CR1: variants seen among roughly 807,000 people sequenced by gnomAD.
CR1 encodes complement receptor type 1.
Under a neutral mutation model 187.3 loss-of-function variants are expected in CR1, and 116 were observed. That is an observed-to-expected ratio of 0.62 (90% CI 0.53 to 0.72). The LOEUF (loss-of-function observed/expected upper bound fraction) is 0.72, where lower values mean the gene tolerates loss of function less well. Ranked by LOEUF, CR1 falls within the 30% of genes least tolerant of loss-of-function variation. The probability of loss-of-function intolerance (pLI) is 0.00; values close to 1 mark genes in which losing one functional copy is unlikely to be tolerated. For synonymous variants in CR1, 576 were observed against 747.1 expected (o/e 0.77, Z 3.73); for missense variants, 1,731 against 2,110.7 (o/e 0.82, Z 3.52).
chr1:207,593,259 T>G (rs539875233), intron 35 of CR1, among the ~76,000 whole-genome samples: 13 of 152,128 alleles, frequency 8.5e-5, no homozygotes, highest in African/African-American at 3.1e-4. Flanking sequence ...CCAAAACAGA[T>G]ATATAGACCA....
chr1:207,501,202 A>C (rs1179610354), intron 1 of CR1, among the ~76,000 whole-genome samples: 2 of 152,218 alleles, frequency 1.3e-5, no homozygotes, highest in Non-Finnish European at 2.9e-5. Flanking sequence ...CTGTAGTAAG[A>C]GAAAACACAT....
chr1:207,628,485 C>A (rs539060695), intron 45 of CR1, among the ~76,000 whole-genome samples: 1 of 152,332 alleles, frequency 6.6e-6, no homozygotes, highest in East Asian at 1.9e-4. Flanking sequence ...GTCCTCAAAG[C>A]AACTCTGTGA....
intron 5 of CR1, among the ~76,000 whole-genome samples, chr1:207,525,634 C>T (rs1463946796): frequency 6.6e-6 from 1 of 152,010 alleles, no homozygotes; most frequent in Admixed American, 6.5e-5. Context: ...CTCCAATTGG[C>T]AGAACCTAAC....
chr1:207,613,846 C>G (rs1440633718), intron 39 of CR1, among the ~76,000 whole-genome samples: 1 of 152,068 alleles, frequency 6.6e-6, no homozygotes, highest in Non-Finnish European at 1.5e-5. Flanking sequence ...ACTCTTCCCC[C>G]CTCCCTTCTT....
intron 41 of CR1, among the ~76,000 whole-genome samples, chr1:207,617,590 TATATATATATATATATATATATAGAG>T (rs1246545088): frequency 7.5e-4 from 25 of 33,392 alleles, no homozygotes; most frequent in African/African-American, 7.4e-4. Context: ...TATATATATA[TATATATATATATATATATATATAGAG>T]AGAGAGAGAG....
At chr1:207,604,843 G>A (rs1005612284) in intron 35 of CR1, among the ~76,000 whole-genome samples, 38 of 152,288 alleles carry the variant, frequency 2.5e-4, no homozygotes, top group African/African-American at 8.2e-4. Flanking sequence ...TAGAAAGGTG[G>A]TTACCAGGCA....
chr1:207,623,989 G>A (rs1391043997), intron 45 of CR1, among the ~76,000 whole-genome samples: 3 of 123,236 alleles, frequency 2.4e-5, no homozygotes, highest in African/African-American at 3.1e-5. Context: ...GCAGTGGCAC[G>A]ATCTTGGCTC....
At chr1:207,597,921 A>G (rs1395221392) in intron 35 of CR1, among the ~76,000 whole-genome samples, 2 of 152,260 alleles carry the variant, frequency 1.3e-5, no homozygotes, top group African/African-American at 4.8e-5. Context: ...AGCTATACAA[A>G]GGAATAGAGT....
At chr1:207,514,935 T>C (rs1386738940) in intron 4 of CR1, among the ~76,000 whole-genome samples, 1 of 149,738 alleles carries the variant, frequency 6.7e-6, no homozygotes, top group East Asian at 1.9e-4. Flanking sequence ...TTTTTTTTTT[T>C]CCAACCATTT....
intron 35 of CR1, among the ~76,000 whole-genome samples, chr1:207,596,788 T>C (rs1661457366): frequency 6.8e-6 from 1 of 147,876 alleles, no homozygotes; most frequent in African/African-American, 2.5e-5. Context: ...CATAAGTATA[T>C]ATATAATATA....
At chr1:207,523,543 G>A in intron 4 of CR1, 68 bp from the exon 5 acceptor site, 2 of 1,597,252 alleles carry the variant, frequency 1.3e-6, no homozygotes, top group South Asian at 2.2e-5. Flanking sequence ...ATAGTTTAGT[G>A]ACTCATGAGA....
At chr1:207,638,986 C>G (rs1306198824) in intron 46 of CR1, among the ~76,000 whole-genome samples, 1 of 152,172 alleles carries the variant, frequency 6.6e-6, no homozygotes, top group Admixed American at 6.5e-5. Context: ...GCACTTGGGA[C>G]AGTGGGGGTT....
At chr1:207,583,650 A>G (rs1661024859) in intron 32 of CR1, among the ~76,000 whole-genome samples, 1 of 152,220 alleles carries the variant, frequency 6.6e-6, no homozygotes, top group African/African-American at 2.4e-5. Context: ...TTTTGCTCAT[A>G]TGAATACTTT....
In CR1 at chr1:207,575,671, A is replaced by G. The variant is rs527489179; in HGVS notation, c.4528A>G (p.Ile1510Val). 3.1e-6 allele frequency: 5 copies of G among 1,611,832 alleles called. No individual in the cohort carries two copies. The highest frequency in any genetic ancestry group is 2.2e-5 in the East Asian group (1 of 44,882). ...TGCCCATTGGAGCACGAAGCCGCCA[A>G]TTTGTCAACGTGAGTTGAAATCTCT... ...NTAHWSTKPPICQRIPCGLPP... is the reference protein window; with the variant it reads ...NTAHWSTKPPVCQRIPCGLPP... The change falls in exon 28 of 47, where the codon ATT becomes GTT. Residue 1510 changes from isoleucine to valine, a missense_variant. Physicochemically the swap from Ile to Val is conservative, Grantham distance 29 (BLOSUM62 3). Transcript: ENST00000367049.
chr1:207,604,944 G>T (rs1661703660), intron 35 of CR1, among the ~76,000 whole-genome samples: 1 of 152,030 alleles, frequency 6.6e-6, no homozygotes, highest in South Asian at 2.1e-4. Context: ...CCACAGCATG[G>T]TGACTATAGT....
chr1:207,637,646 G>A (rs1288305572), intron 46 of CR1, among the ~76,000 whole-genome samples: 1 of 152,238 alleles, frequency 6.6e-6, no homozygotes. Context: ...GGAGGATAAT[G>A]ATACCCAATG....
intron 3 of CR1, 190 bp downstream of exon 3, chr1:207,507,003 A>G (rs1572991609): frequency 1.9e-6 from 1 of 533,752 alleles, no homozygotes; most frequent in Non-Finnish European, 3.3e-6. Flanking sequence ...AATCATCTGT[A>G]TCCTTGCTGG....
chr1:207,496,349 C>A lies in CR1; in HGVS notation c.82C>A (p.Leu28Met). 6.2e-7 allele frequency: 1 copy of A among 1,612,634 alleles called. No individual in the cohort carries two copies. The highest frequency in any genetic ancestry group is 8.5e-7 in the Non-Finnish European group (1 of 1,179,598). The change falls in exon 1 of 47, where the codon CTG becomes ATG. Residue 28 changes from leucine to methionine, a missense_variant. This residue lies in a region of CR1 where 237 missense variants were observed against 240.4 expected (regional missense o/e 0.99). Transcript: ENST00000367049. ...CCCCTTCTGCTGCGGAGGATCCCTG[C>A]TGGCGGTTGTGGTGCTGCTTGCGCT... ...GLPFCCGGSL[L>M]AVVVLLALPV...
intron 35 of CR1, among the ~76,000 whole-genome samples, chr1:207,592,643 G>A (rs1661306178): frequency 6.6e-6 from 1 of 152,162 alleles, no homozygotes; most frequent in Non-Finnish European, 1.5e-5. Context: ...TAGGAAGAGA[G>A]GAAGTCAAAT....
Sources: allele counts gnomAD v4.1 joint callset (sites outside exome capture counted in the v4.1 genomes callset), GRCh38; gene constraint gnomAD v4.1.1; regional missense constraint gnomAD v4.1.1; transcripts MANE v1.5; gene names NCBI Gene and HGNC (gene_info 2026-07-23, HGNC 2026-07-21).